The following FRMD4A variants were observed in gnomAD, a reference collection of about 807,000 sequenced individuals.
The protein encoded by FRMD4A is FERM domain containing 4A, also known as FERM domain-containing protein 4A.
Under a neutral mutation model 129.1 loss-of-function variants are expected in FRMD4A, and 29 were observed. That is an observed-to-expected ratio of 0.22 (90% CI 0.17 to 0.31). FRMD4A has a LOEUF of 0.31. Among genes scored for constraint, FRMD4A ranks in the 10% least tolerant of loss-of-function variants. FRMD4A has a pLI of 1.00. For missense variants in FRMD4A, 1,272 were observed against 1,375.8 expected, an observed-to-expected ratio of 0.92 and a Z score of 1.19; for synonymous variants, 634 against 571.6, an observed-to-expected ratio of 1.11 and a Z score of -1.56.
intron 2 of FRMD4A, among the ~76,000 whole-genome samples, chr10:13,994,784 C>T (rs1358509910): frequency 6.6e-6 from 1 of 152,186 alleles, no homozygotes; most frequent in Admixed American, 6.5e-5. Context: ...TCCAGGAACA[C>T]CGGCCCTGGT....
chr10:13,659,457 A>C lies in FRMD4A; in HGVS notation c.1932T>G (p.Cys644Trp), dbSNP rs772200364. 9.9e-6 allele frequency: 16 copies of C among 1,613,638 alleles called. No individual in the cohort carries two copies. Among genetic ancestry groups the C allele is most frequent in the Non-Finnish European group, 1.2e-5 (14 of 1,179,976 alleles). ...SHKRFPSTGS[C>W]AEAGGGSNSL... is the part of the protein sequence containing the mutation. ...AGTTGCTTCCTCCGCCGGCTTCCGC[A>C]CAGCTTCCTGTGCTGGGGAAGCGCT... Residue 644 changes from cysteine (C) to tryptophan (W), a missense_variant, in exon 21 of 25, where the codon TGT (cysteine) becomes TGG (tryptophan). Physicochemically the swap from Cys to Trp is radical, Grantham distance 215. Coordinates refer to ENST00000357447, the MANE Select transcript of FRMD4A (RefSeq NM_018027.5).
chr10:13,983,527 CT>C (rs2095569727), intron 2 of FRMD4A, among the ~76,000 whole-genome samples: 1 of 151,992 alleles, frequency 6.6e-6, no homozygotes, highest in Non-Finnish European at 1.5e-5. Context: ...AAAAATGTTT[CT>C]GGGTAGTATA....
rs1279344719 is a variant in FRMD4A at position 13,890,849 on chromosome 10, A to T, written c.46-31937T>A. The T allele has an allele frequency of 6.1e-6, 6 of 985,358 alleles. No individual in the cohort carries two copies. The African/African-American group carries it at 8.7e-5, about 14-fold the overall frequency. 61.0% of individuals were successfully genotyped at this position (985,358 alleles called of 1,614,324 possible). ...GGATGTCTATTAAGAAGCCGTCGCCAGAGCTATTATTAGCACAGCCATCCC... is the reference window on the plus strand; with the variant it reads ...GGATGTCTATTAAGAAGCCGTCGCCTGAGCTATTATTAGCACAGCCATCCC... On this transcript the variant is annotated intron_variant, in intron 2 of 24. Coordinates refer to ENST00000357447, the MANE Select transcript of FRMD4A (RefSeq NM_018027.5).
At chr10:13,702,176 A>G (rs1402776631) in intron 13 of FRMD4A, among the ~76,000 whole-genome samples, 1 of 152,084 alleles carries the variant, frequency 6.6e-6, no homozygotes, top group African/African-American at 2.4e-5. Flanking sequence ...GGTTCAACCA[A>G]TTCTCCTGCT....
chr10:13,702,520 A>G lies in FRMD4A; in HGVS notation c.837-1042T>C, dbSNP rs2134879636. Among the ~76,000 whole-genome samples, 5 of 147,824 alleles carry G rather than the reference A, an allele frequency of 3.4e-5. 1 individual carries two copies. The South Asian group carries it at 1.1e-3, about 32-fold the overall frequency. ...ATAGGCAGATTATTTTGCAAATGAA[A>G]TCTAAGAATGTGTGTTTGCATGTGT... On this transcript the variant is annotated intron_variant, in intron 13 of 24. Transcript: ENST00000357447.
chr10:13,956,666 G>T (rs1024762194), intron 2 of FRMD4A, among the ~76,000 whole-genome samples: 1 of 152,180 alleles, frequency 6.6e-6, no homozygotes, highest in Admixed American at 6.5e-5. Flanking sequence ...AAAGGGAAAA[G>T]AAAATAATTG....
chr10:14,199,379 G>A (rs776897301), intron 2 of FRMD4A, among the ~76,000 whole-genome samples: 10 of 150,988 alleles, frequency 6.6e-5, no homozygotes, highest in Middle Eastern at 3.4e-3. Context: ...GTGCAGTGGC[G>A]TGATCTCAAC....
At chr10:13,702,918 A>G (rs1404245126) in intron 13 of FRMD4A, among the ~76,000 whole-genome samples, 3 of 58,802 alleles carry the variant, frequency 5.1e-5, no homozygotes, top group Non-Finnish European at 1.3e-4. Context: ...TGAAGGAAAA[A>G]AAAAAAAAAA....
chr10:14,300,046 T>C (rs1018770616), intron 2 of FRMD4A, among the ~76,000 whole-genome samples: 3 of 151,976 alleles, frequency 2.0e-5, no homozygotes, highest in African/African-American at 7.2e-5. Flanking sequence ...AGAGAGGAAC[T>C]CAGTCTAGTT....
chr10:14,015,183 C>G (rs12775230), intron 2 of FRMD4A, among the ~76,000 whole-genome samples: 1 of 105,218 alleles, frequency 9.5e-6, no homozygotes, highest in Non-Finnish European at 1.9e-5. Context: ...CTGTCCCTCC[C>G]TCCCTCCCAC....
At chr10:14,147,865 C>A (rs1183663304) in intron 2 of FRMD4A, among the ~76,000 whole-genome samples, 1 of 152,126 alleles carries the variant, frequency 6.6e-6, no homozygotes, top group Non-Finnish European at 1.5e-5. Flanking sequence ...CACACACTGC[C>A]TAGATTCAAA....
intron 3 of FRMD4A, among the ~76,000 whole-genome samples, chr10:13,854,365 C>T (rs927029116): frequency 6.6e-6 from 1 of 152,110 alleles, no homozygotes; most frequent in African/African-American, 2.4e-5. Context: ...TAGCGTCCTC[C>T]AGAAGGTTCC....
chr10:13,853,536 GA>G (rs1035768071), intron 3 of FRMD4A, among the ~76,000 whole-genome samples: 7 of 151,578 alleles, frequency 4.6e-5, no homozygotes, highest in Non-Finnish European at 8.8e-5. Context: ...GACCCTGCCT[GA>G]AAAAAAAGTG....
At position 14,250,623 on chromosome 10, in the gene FRMD4A, T is replaced by G. The variant is rs370301515; in HGVS notation, c.45+79435A>C. ...GTCAGACCCTCTGTGGGGCCAAAAA[T>G]CAAGCAAGCTCTTCTAGAGAATTAG... is the stretch of plus-strand genomic sequence containing the variant. On this transcript the variant is annotated intron_variant, in intron 2 of 24. Coordinates refer to ENST00000357447, the MANE Select transcript of FRMD4A (RefSeq NM_018027.5). 2.0e-5 allele frequency among the ~76,000 whole-genome samples: 3 copies of G among 152,280 alleles called. No individual in the cohort carries two copies. The South Asian group carries it at 6.2e-4, about 32-fold the overall frequency.
At chr10:13,924,247 A>C (rs940659337) in intron 2 of FRMD4A, among the ~76,000 whole-genome samples, 4 of 152,158 alleles carry the variant, frequency 2.6e-5, no homozygotes, top group African/African-American at 9.7e-5. Context: ...AATCCTTTAA[A>C]ATCGTAAGCC....
chr10:13,819,289 C>G (rs1215794363), intron 3 of FRMD4A, among the ~76,000 whole-genome samples: 2 of 152,194 alleles, frequency 1.3e-5, no homozygotes, highest in Non-Finnish European at 2.9e-5. Flanking sequence ...TCTGTTCAAT[C>G]TATTTGATTG....
intron 2 of FRMD4A, among the ~76,000 whole-genome samples, chr10:13,889,573 G>T (rs987975518): frequency 6.6e-6 from 1 of 152,136 alleles, no homozygotes; most frequent in African/African-American, 2.4e-5. Context: ...AACAATGTCT[G>T]CAAATTACAA....
At chr10:13,747,680 T>A (rs1276377195) in intron 9 of FRMD4A, 56 bp downstream of exon 9, 2 of 913,912 alleles carry the variant, frequency 2.2e-6, no homozygotes, top group Non-Finnish European at 3.7e-6. Flanking sequence ...AGTTGTCCTG[T>A]GTCCCCTCGC....
chr10:13,859,624 C>A (rs2094265357), intron 2 of FRMD4A, among the ~76,000 whole-genome samples: 1 of 152,180 alleles, frequency 6.6e-6, no homozygotes, highest in African/African-American at 2.4e-5. Flanking sequence ...GGACACAGCT[C>A]AGGATCCAAT....
Sources: allele counts gnomAD v4.1 joint callset (sites outside exome capture counted in the v4.1 genomes callset), GRCh38; gene constraint gnomAD v4.1.1; transcripts MANE v1.5; gene names NCBI Gene and HGNC (gene_info 2026-07-23, HGNC 2026-07-21).